RBM5: variants seen among roughly 807,000 people sequenced by gnomAD.
RBM5 encodes the protein RNA binding motif protein 5.
A neutral mutation model predicts 124.6 loss-of-function variants in RBM5; 15 were observed. That is an observed-to-expected ratio of 0.12 (90% confidence interval 0.08 to 0.19). RBM5 has a LOEUF of 0.19. RBM5 is among the 10% of genes least tolerant of loss of function. The probability of loss-of-function intolerance (pLI) is 1.00; values close to 1 mark genes in which losing one functional copy is unlikely to be tolerated. For synonymous variants in RBM5, 337 were observed against 361.2 expected (o/e 0.93, Z 0.76); for missense variants, 580 against 1,026.5 (o/e 0.57, Z 5.94).
At chr3:50,114,989 A>T (rs1251182122) in intron 20 of RBM5, 2 of 168,622 alleles carry the variant, frequency 1.2e-5, no homozygotes, top group African/African-American at 4.8e-5. Flanking sequence ...CAATGTGGTG[A>T]AACCCCATCT....
At chr3:50,103,187 A>C in intron 7 of RBM5, 21 bp downstream of exon 7, 1 of 1,561,016 alleles carries the variant, frequency 6.4e-7, no homozygotes, top group South Asian at 1.1e-5. Context: ...GTTCTTCCCA[A>C]ATAGACAAAA....
Position 50,118,438 on chromosome 3 carries a change from G to C in RBM5, c.2430G>C (p.Arg810=). The C allele has an allele frequency of 6.2e-7, 1 of 1,613,848 alleles. No homozygotes were observed. Among genetic ancestry groups the C allele is most frequent in the South Asian group, 1.1e-5 (1 of 91,070 alleles). The stretch of plus-strand genomic sequence containing the variant: ...CTGTCCGGAAAGCCATGTTTGCCCG[G>C]TTCACTGAGATGGAGTGAGAGAGAG... ...KDAVRKAMFA[R]FTEME Residue 810 remains arginine, a synonymous_variant, in exon 25 of 25, where the codon CGG becomes CGC. Transcript: ENST00000347869.
chr3:50,105,749 G>A (rs1416316012), intron 10 of RBM5, 40 bp downstream of exon 10: 2 of 1,599,626 alleles, frequency 1.3e-6, no homozygotes, highest in Non-Finnish European at 8.5e-7. Context: ...AAAAGAAACA[G>A]CTTTAAGAGG....
intron 17 of RBM5, among the ~76,000 whole-genome samples, chr3:50,112,414 TAAAAAAAAAAAAAA>T (rs58011975): frequency 1.0e-4 from 9 of 88,238 alleles, no homozygotes; most frequent in Admixed American, 2.4e-4. Flanking sequence ...AGACTCTGTC[TAAAAAAAAAAAAAA>T]AAAAAAAAAA....
chr3:50,092,222 G>A lies in RBM5; in HGVS notation c.183+14G>A, dbSNP rs376530824. The A allele has an allele frequency of 1.3e-5, 21 of 1,609,428 alleles. No homozygotes were observed. The highest frequency in any genetic ancestry group is 8.9e-5 in the East Asian group (4 of 44,834). On this transcript the variant is annotated intron_variant, in intron 3 of 24. Coordinates refer to ENST00000347869, the MANE Select transcript of RBM5 (RefSeq NM_005778.4). ...GACAGTCCAGAGGTGAGTGACCAGC[G>A]GCTGTATAACCCCCCAAAACACTCT...
At chr3:50,109,218 T>G (rs1369473091) in intron 14 of RBM5, among the ~76,000 whole-genome samples, 1 of 152,124 alleles carries the variant, frequency 6.6e-6, no homozygotes, top group Non-Finnish European at 1.5e-5. Flanking sequence ...GAACTACAGG[T>G]GCCTGCCACC....
At chr3:50,115,058 C>T (rs62263602) in intron 20 of RBM5, 37,970 of 182,436 alleles carry the variant, frequency 0.21, 4,414 homozygotes, top group Middle Eastern at 0.26. Context: ...ATCCCAGCTA[C>T]TTGGGAGGCT....
At chr3:50,113,674 CT>C in intron 18 of RBM5, 130 bp downstream of exon 18, 1 of 1,131,580 alleles carries the variant, frequency 8.8e-7, no homozygotes, top group Non-Finnish European at 1.2e-6. Flanking sequence ...ATACTAAGTT[CT>C]TAGAGCATTT....
intron 14 of RBM5, among the ~76,000 whole-genome samples, chr3:50,108,584 G>A (rs973669804): frequency 1.3e-5 from 2 of 152,166 alleles, no homozygotes; most frequent in Non-Finnish European, 2.9e-5. Context: ...GCAGGCGCCT[G>A]TAATCCCAGC....
chr3:50,107,463 TG>T lies in RBM5; in HGVS notation c.954-17del. On this transcript the variant is annotated intron_variant, in intron 11 of 24. Coordinates refer to ENST00000347869, the MANE Select transcript of RBM5 (RefSeq NM_005778.4). ...GAATACTGTGATAGAATCACATGAT[TG>T]GATCTTTGTGGTTTCAGAGACTTGG... 2 of 1,548,016 alleles carry T rather than the reference TG, an allele frequency of 1.3e-6. No homozygotes were observed. The highest frequency in any genetic ancestry group is 1.8e-6 in the Non-Finnish European group (2 of 1,120,460).
In RBM5 at chr3:50,108,296, C is replaced by T. The variant is rs369922395; in HGVS notation, c.1184C>T (p.Ser395Phe). Residue 395 changes from serine to phenylalanine, a missense_variant, in exon 14 of 25, where the codon TCT (serine) becomes TTT (phenylalanine). By Grantham distance (155) the Ser-to-Phe change is radical. Transcript: ENST00000347869. The stretch of plus-strand genomic sequence containing the variant: ...GGAGGATTGGAATCTGATGCATCAT[C>T]TGCATCAGGTAGTAAACTTCATCTC... Reference protein sequence around the residue: ...QAGGLESDASSASGTAVTTTS... With the variant: ...QAGGLESDASFASGTAVTTTS... 6.2e-7 allele frequency: 1 copy of T among 1,606,798 alleles called. No individual in the cohort carries two copies.
In RBM5 at chr3:50,106,760, C is replaced by T. The variant is rs757110533; in HGVS notation, c.856-7C>T. ...TACACGTTTTTTTCCTTCACATTCT[C>T]CTTCAGGATGCTTCTCAGCTGCTTC... On this transcript the variant is annotated splice_region_variant and splice_polypyrimidine_tract_variant and intron_variant, in intron 10 of 24. Coordinates refer to ENST00000347869, the MANE Select transcript of RBM5 (RefSeq NM_005778.4). 7.6e-6 allele frequency: 12 copies of T among 1,582,272 alleles called. No individual in the cohort carries two copies. In the African/African-American group the frequency reaches 1.2e-4, roughly 16 times the overall value.
rs574947002 is a variant in RBM5 at position 50,100,664 on chromosome 3, A to T, written c.483+59A>T. The T allele has an allele frequency of 2.0e-5, 28 of 1,412,562 alleles. No homozygotes were observed. The highest frequency in any genetic ancestry group is 1.3e-4 in the Admixed American group (7 of 54,778). 87.5% of individuals were successfully genotyped at this position (1,412,562 alleles called of 1,614,324 possible). A position where few individuals can be genotyped will look rare whatever the true frequency, so the allele number is the denominator to read the frequency against. Reference sequence around the variant, plus strand: ...AAATGGAACAAGTCTGTACAATTTTAAAAAAAGGTTGAAGGAGTGGTTTGT... The same window carrying T: ...AAATGGAACAAGTCTGTACAATTTTTAAAAAAGGTTGAAGGAGTGGTTTGT... On this transcript the variant is annotated intron_variant, in intron 6 of 24. Transcript: ENST00000347869. This position sits in a 1 kb window ranked among gnomAD's most constrained non-coding sequence, Gnocchi z 5.1.
At chr3:50,097,010 C>T (rs1412803169) in intron 4 of RBM5, among the ~76,000 whole-genome samples, 1 of 152,146 alleles carries the variant, frequency 6.6e-6, no homozygotes, top group African/African-American at 2.4e-5. Context: ...TGGCTGGAGT[C>T]AGAGGCTTTT....
chr3:50,114,081 T>C lies in RBM5; in HGVS notation c.1749T>C (p.Phe583=). The C allele has an allele frequency of 6.2e-7, 1 of 1,614,208 alleles. No individual in the cohort carries two copies. Among genetic ancestry groups the C allele is most frequent in the Non-Finnish European group, 8.5e-7 (1 of 1,180,036 alleles). ...AATCTGCTGCAGCAGACGCTGGCTT[T>C]GCTCTCTTTGAGAAGAAGGTAATAG... ...RRESAAADAG[F]ALFEKKGALA... The change falls in exon 19 of 25, where the codon TTT becomes TTC. Residue 583 remains phenylalanine, a synonymous_variant. Transcript: ENST00000347869.
chr3:50,107,768 G>C, intron 12 of RBM5, among the ~76,000 whole-genome samples, 199 bp downstream of exon 12: 1 of 127,564 alleles, frequency 7.8e-6, no homozygotes, highest in Middle Eastern at 5.4e-3. Flanking sequence ...CTCACTGCAA[G>C]CTCCACCTTC....
At chr3:50,116,329 A>C (rs921215296) in intron 22 of RBM5, 1 of 244,218 alleles carries the variant, frequency 4.1e-6, no homozygotes, top group Non-Finnish European at 8.1e-6. Context: ...CTTCAAATTA[A>C]TCCCAAGGGA....
chr3:50,103,049 C>A lies in RBM5; in HGVS notation c.484-34C>A, dbSNP rs775285941. The A allele has an allele frequency of 6.0e-6, 9 of 1,495,602 alleles. No individual in the cohort carries two copies. The African/African-American group carries it at 1.1e-4, about 18-fold the overall frequency. The allele number at this position is 1,495,602 out of a possible 1,614,324, so 92.6% of individuals were successfully genotyped here. A position where few individuals can be genotyped will look rare whatever the true frequency, so the allele number is the denominator to read the frequency against. The stretch of plus-strand genomic sequence containing the variant: ...TGGGAAAATGGACACATGTTCCTCA[C>A]AATGGGAATAACTAATTACTTCTTT... On this transcript the variant is annotated intron_variant, in intron 6 of 24. Coordinates refer to ENST00000347869, the MANE Select transcript of RBM5 (RefSeq NM_005778.4).
Position 50,118,476 on chromosome 3 carries a change from A to T in RBM5, c.*20A>T. The T allele has an allele frequency of 6.2e-7, 1 of 1,603,468 alleles. No individual in the cohort carries two copies. Among genetic ancestry groups the T allele is most frequent in the Non-Finnish European group, 8.5e-7 (1 of 1,174,470 alleles). ...GAGTGAGAGAGAGAGAGAGAGAGAGATGACAAGGAGCACAAGAAGTGGTCC... is the reference window on the plus strand; with the variant it reads ...GAGTGAGAGAGAGAGAGAGAGAGAGTTGACAAGGAGCACAAGAAGTGGTCC... On this transcript the variant is annotated 3_prime_UTR_variant, in exon 25 of 25. Transcript: ENST00000347869.
Sources: allele counts gnomAD v4.1 joint callset (sites outside exome capture counted in the v4.1 genomes callset), GRCh38; gene constraint gnomAD v4.1.1; non-coding constraint Gnocchi (gnomAD v3.1); transcripts MANE v1.5; gene names NCBI Gene and HGNC (gene_info 2026-07-23, HGNC 2026-07-21).